Variants in ZNF407 observed in about 807,000 individuals in gnomAD.
The protein encoded by ZNF407 is zinc finger protein 407.
In ZNF407, 17 loss-of-function variants were observed where a neutral mutation model predicts 131.2. That is an observed-to-expected ratio of 0.13 (90% confidence interval 0.09 to 0.19). The LOEUF (loss-of-function observed/expected upper bound fraction) is 0.19. ZNF407 is among the 10% of genes least tolerant of loss of function. The probability of loss-of-function intolerance (pLI) is 1.00; values close to 1 mark genes in which losing one functional copy is unlikely to be tolerated. For missense variants in ZNF407, 2,681 were observed against 2,830.6 expected (o/e 0.95, Z 1.20); for synonymous variants, 1,156 against 1,062.0 (o/e 1.09, Z -1.72).
intron 4 of ZNF407, among the ~76,000 whole-genome samples, chr18:74,867,258 C>A (rs930982862): frequency 1.3e-5 from 2 of 152,160 alleles, no homozygotes; most frequent in Non-Finnish European, 2.9e-5. Flanking sequence ...GTTTAGAAAA[C>A]TGCTACTGTT....
chr18:74,617,616 G>T (rs968012699), intron 1 of ZNF407, among the ~76,000 whole-genome samples: 7 of 152,054 alleles, frequency 4.6e-5, no homozygotes, highest in African/African-American at 1.7e-4. Context: ...TCATTAGCTG[G>T]AGGTTTTGTT....
intron 8 of ZNF407, among the ~76,000 whole-genome samples, chr18:74,958,196 T>G (rs1972298257): frequency 6.6e-6 from 1 of 152,192 alleles, no homozygotes; most frequent in Non-Finnish European, 1.5e-5. Flanking sequence ...GAGGCTGATG[T>G]AAGTGCCTGC....
At chr18:74,913,829 TACTG>T (rs2145228008) in intron 7 of ZNF407, among the ~76,000 whole-genome samples, 1 of 152,310 alleles carries the variant, frequency 6.6e-6, no homozygotes, top group East Asian at 1.9e-4. Flanking sequence ...GAGTGTGTAG[TACTG>T]ACTAATGATT....
intron 8 of ZNF407, among the ~76,000 whole-genome samples, chr18:74,979,543 C>T (rs530902798): frequency 7.9e-5 from 12 of 152,266 alleles, no homozygotes; most frequent in African/African-American, 2.9e-4. Context: ...CCACCCACCT[C>T]GGCCTCCCAA....
chr18:74,622,210 T>G (rs1298265586), intron 1 of ZNF407, among the ~76,000 whole-genome samples: 1 of 152,160 alleles, frequency 6.6e-6, no homozygotes. Flanking sequence ...CACATGGGGT[T>G]TCGTGACTAC....
At chr18:74,781,069 C>A (rs1364068844) in intron 3 of ZNF407, among the ~76,000 whole-genome samples, 1 of 152,108 alleles carries the variant, frequency 6.6e-6, no homozygotes, top group Non-Finnish European at 1.5e-5. Flanking sequence ...TTCTCAAACT[C>A]ATTTCATGAT....
At chr18:74,849,526 G>T (rs149705840) in intron 4 of ZNF407, among the ~76,000 whole-genome samples, 1 of 152,140 alleles carries the variant, frequency 6.6e-6, no homozygotes, top group Non-Finnish European at 1.5e-5. Flanking sequence ...TGTGGTCAGG[G>T]GTGGGGGACG....
rs547408791 is a variant in ZNF407, at chr18:74,694,061, T to A, written c.4802+52939T>A. On this transcript the variant is annotated intron_variant, in intron 3 of 8. Coordinates refer to ENST00000299687, the MANE Select transcript of ZNF407 (RefSeq NM_017757.3). ...TTGTTCATGGGTTACATTTCGTTGC[T>A]TGTTTGAATCTCTAGTAGTTATTGA... is the stretch of plus-strand genomic sequence containing the variant. 3.9e-5 allele frequency among the ~76,000 whole-genome samples: 6 copies of A among 152,346 alleles called. No homozygotes were observed. The East Asian group carries it at 1.2e-3, about 29-fold the overall frequency.
chr18:74,720,956 G>T, intron 3 of ZNF407, among the ~76,000 whole-genome samples: 1 of 147,710 alleles, frequency 6.8e-6, no homozygotes, highest in Non-Finnish European at 1.5e-5. Flanking sequence ...CTTTTTCTCA[G>T]GATTGCTTTG....
At chr18:74,990,832 A>G (rs908138396) in intron 8 of ZNF407, among the ~76,000 whole-genome samples, 2 of 152,186 alleles carry the variant, frequency 1.3e-5, no homozygotes, top group South Asian at 2.1e-4. Flanking sequence ...ATGAACTGCA[A>G]TCTGTTCTTT....
chr18:74,783,728 T>C (rs1969651977), intron 4 of ZNF407, among the ~76,000 whole-genome samples: 1 of 152,184 alleles, frequency 6.6e-6, no homozygotes, highest in Non-Finnish European at 1.5e-5. Context: ...GTTTTTGTCC[T>C]AACATCAAGA....
At chr18:74,988,661 TAAAC>T (rs148352923) in intron 8 of ZNF407, among the ~76,000 whole-genome samples, 2,932 of 151,272 alleles carry the variant, frequency 0.019, 91 homozygotes, top group African/African-American at 0.065. Context: ...AAAAAATAAA[TAAAC>T]AAACAAAAAA....
chr18:74,845,015 A>G (rs897788279), intron 4 of ZNF407, among the ~76,000 whole-genome samples: 2 of 152,240 alleles, frequency 1.3e-5, no homozygotes, highest in Non-Finnish European at 2.9e-5. Flanking sequence ...ATTCCGGAGT[A>G]AAGCGTGTGG....
At position 74,614,872 on chromosome 18, in the gene ZNF407, A is replaced by G. The variant is rs186615273; in HGVS notation, c.-53-16095A>G. Among the ~76,000 whole-genome samples the G allele has an allele frequency of 5.9e-5, 9 of 152,332 alleles. No homozygotes were observed. The East Asian group carries it at 1.7e-3, about 29-fold the overall frequency. On this transcript the variant is annotated intron_variant, in intron 1 of 8. Coordinates refer to ENST00000299687, the MANE Select transcript of ZNF407 (RefSeq NM_017757.3). ...AGCCTTCATGAATGGCAGAATGACA[A>G]GCAACATGATCATTTTTGGAATGAT...
intron 8 of ZNF407, among the ~76,000 whole-genome samples, chr18:74,981,686 C>G (rs1015166840): frequency 6.6e-6 from 1 of 152,112 alleles, no homozygotes; most frequent in African/African-American, 2.4e-5. Flanking sequence ...GGGGAGGACG[C>G]GGCGTGGACC....
chr18:75,041,755 A>G (rs1208089596), intron 8 of ZNF407, among the ~76,000 whole-genome samples: 2 of 152,226 alleles, frequency 1.3e-5, no homozygotes, highest in African/African-American at 4.8e-5. Context: ...CACCTAGTGG[A>G]CGATCAGCAT....
intron 3 of ZNF407, among the ~76,000 whole-genome samples, chr18:74,759,805 C>CTT (rs960284561): frequency 5.1e-5 from 7 of 138,176 alleles, no homozygotes; most frequent in African/African-American, 1.3e-4. Context: ...TTATATTTTC[C>CTT]TTTTTTTTTT....
chr18:74,971,467 G>C (rs1449280276), intron 8 of ZNF407, among the ~76,000 whole-genome samples: 4 of 152,172 alleles, frequency 2.6e-5, no homozygotes, highest in Non-Finnish European at 5.9e-5. Flanking sequence ...TCTTCTGCCA[G>C]ATACCCTAAA....
At chr18:74,987,331 A>G (rs1047372942) in intron 8 of ZNF407, among the ~76,000 whole-genome samples, 1 of 152,224 alleles carries the variant, frequency 6.6e-6, no homozygotes, top group African/African-American at 2.4e-5. Flanking sequence ...TGTGAAATTT[A>G]TTACAGCAAT....
Sources: gnomAD v4.1 joint callset for allele counts (sites outside exome capture counted in the v4.1 genomes callset) on GRCh38, gnomAD v4.1.1 for gene constraint, MANE v1.5 for transcripts, NCBI Gene and HGNC (gene_info 2026-07-23, HGNC 2026-07-21) for gene names.